Variants in SEMA4A observed in about 807,000 individuals in gnomAD.
SEMA4A encodes the protein semaphorin 4A.
SEMA4A carries 52 observed loss-of-function variants against 72.5 expected under a neutral mutation model. That is an observed-to-expected ratio of 0.72 (90% confidence interval 0.57 to 0.90). SEMA4A has a LOEUF of 0.90. Among genes scored for constraint, SEMA4A ranks in the 40% least tolerant of loss-of-function variants. SEMA4A has a pLI of 0.00. For missense variants in SEMA4A, 926 were observed against 959.7 expected, an observed-to-expected ratio of 0.96 and a Z score of 0.46; for synonymous variants, 369 against 393.1, an observed-to-expected ratio of 0.94 and a Z score of 0.73.
At position 156,161,633 on chromosome 1, in the gene SEMA4A, C is replaced by T. The variant is rs529206580; in HGVS notation, c.983+115C>T. 59 of 1,068,650 alleles carry T rather than the reference C, an allele frequency of 5.5e-5. No homozygotes were observed. The African/African-American group carries it at 7.8e-4, about 14-fold the overall frequency. The allele number at this position is 1,068,650 out of a possible 1,614,324, so 66.2% of individuals were successfully genotyped here. A position where few individuals can be genotyped will look rare whatever the true frequency, so the allele number is the denominator to read the frequency against. ...AGCCAGCACCTACTCAGCACTTTCA[C>T]ATAGGAAGGCATTAAATCGTCACCA... On this transcript the variant is annotated intron_variant, in intron 9 of 14. Transcript: ENST00000368285.
At chr1:156,148,858 A>C (rs1333109966), upstream of SEMA4A, among the ~76,000 whole-genome samples, 1 of 141,452 alleles carries the variant, frequency 7.1e-6, no homozygotes, top group African/African-American at 2.7e-5. Flanking sequence ...GCTGGAGTGC[A>C]ATGGCATGAT....
chr1:156,163,256 T>A (rs924018990), intron 10 of SEMA4A, 162 bp downstream of exon 10: 3 of 752,140 alleles, frequency 4.0e-6, no homozygotes, highest in East Asian at 5.4e-5. Context: ...ATATTCCACA[T>A]GTGCCTAGCA....
intron 10 of SEMA4A, among the ~76,000 whole-genome samples, chr1:156,165,958 G>A (rs1415432904): frequency 8.0e-6 from 1 of 125,616 alleles, no homozygotes; most frequent in Non-Finnish European, 1.6e-5. Context: ...CCAGGCTATA[G>A]TGCAATGGCT....
intron 11 of SEMA4A, among the ~76,000 whole-genome samples, chr1:156,173,890 A>G (rs1655050818): frequency 6.6e-6 from 1 of 152,074 alleles, no homozygotes; most frequent in Admixed American, 6.6e-5. Flanking sequence ...TGGGTGGATC[A>G]CCTGAGGTCA....
rs1653198063 is a variant in SEMA4A at position 156,157,958 on chromosome 1, A to G, written c.301-112A>G. 1 of 1,061,856 alleles carries G rather than the reference A, an allele frequency of 9.4e-7. No homozygotes were observed. Among genetic ancestry groups the G allele is most frequent in the African/African-American group, 1.6e-5 (1 of 63,686 alleles). 65.8% of individuals were successfully genotyped at this position (1,061,856 alleles called of 1,614,324 possible). A position where few individuals can be genotyped will look rare whatever the true frequency, so the allele number is the denominator to read the frequency against. On this transcript the variant is annotated intron_variant, in intron 3 of 14. Coordinates refer to ENST00000368285, the MANE Select transcript of SEMA4A (RefSeq NM_022367.4). This position sits in a 1 kb window ranked among gnomAD's most constrained non-coding sequence, Gnocchi z 4.5. ...ATTACTGCCCATCAGCATGTCACTA[A>G]CCACCATGTCTGCTGGTTATTTCAC...
In SEMA4A at chr1:156,161,478, C is replaced by T. The variant is rs762617991; in HGVS notation, c.943C>T (p.Pro315Ser). The T allele has an allele frequency of 1.2e-6, 2 of 1,614,064 alleles. No homozygotes were observed. Among genetic ancestry groups the T allele is most frequent in the Non-Finnish European group, 1.7e-6 (2 of 1,179,978 alleles). Reference sequence around the variant, plus strand: ...CGCGGTCCTGCTCCCCGCCGATTCTCCCACAGCTCCCCACATCTACGCAGT... The same window carrying T: ...CGCGGTCCTGCTCCCCGCCGATTCTTCCACAGCTCCCCACATCTACGCAGT... Reference protein sequence around the residue: ...RHAVLLPADSPTAPHIYAVFT... With the variant: ...RHAVLLPADSSTAPHIYAVFT... Residue 315 changes from proline to serine, a missense_variant, in exon 9 of 15, where the codon CCC becomes TCC. Coordinates refer to ENST00000368285, the MANE Select transcript of SEMA4A (RefSeq NM_022367.4).
At position 156,160,990 on chromosome 1, in the gene SEMA4A, T is replaced by TGA. The variant is rs1438005502; in HGVS notation, c.775_776dup (p.Leu260GlyfsTer29). On this transcript the variant is annotated frameshift_variant, in exon 8 of 15. Coordinates refer to ENST00000368285, the MANE Select transcript of SEMA4A (RefSeq NM_022367.4). LOFTEE classifies it high-confidence loss of function. ...AGACAGCCAGCGAGTTTGACTTCTT[T>TGA]GAGAGGCTCCACACATCGCGGGTGG... 1 of 1,602,060 alleles carries TGA rather than the reference T, an allele frequency of 6.2e-7. No homozygotes were observed. Among genetic ancestry groups the TGA allele is most frequent in the South Asian group, 1.1e-5 (1 of 90,724 alleles).
chr1:156,169,333 A>C (rs1437116418), intron 10 of SEMA4A, among the ~76,000 whole-genome samples: 1 of 151,266 alleles, frequency 6.6e-6, no homozygotes, highest in Non-Finnish European at 1.5e-5. Flanking sequence ...TCCAGCTTCC[A>C]AAATGTGGAT....
chr1:156,161,613 G>GCA (rs1653674634), intron 9 of SEMA4A, 95 bp downstream of exon 9: 1 of 1,353,410 alleles, frequency 7.4e-7, no homozygotes, highest in Admixed American at 1.9e-5. Context: ...ACATGAGCCA[G>GCA]CACCTACTCA....
In SEMA4A at chr1:156,161,039, C is replaced by G. The variant is rs771446425; in HGVS notation, c.810+10C>G. ...GGCTAGAGTCTGCAAGGTCCGCGGC[C>G]TGGGCGGGGGGCGGGGCTAACTGGA... On this transcript the variant is annotated intron_variant, in intron 8 of 14. Transcript: ENST00000368285. 6.2e-6 allele frequency: 10 copies of G among 1,602,470 alleles called. No individual in the cohort carries two copies. Among genetic ancestry groups the G allele is most frequent in the Non-Finnish European group, 7.7e-6 (9 of 1,176,120 alleles).
chr1:156,163,099 G>A lies in SEMA4A; in HGVS notation c.1134+5G>A. ...ACCAACCCCCGGCCAGGCAGTGTGA[G>A]TACTACCCCCCACACTGAGCACAGT... On this transcript the variant is annotated splice_donor_5th_base_variant and intron_variant, in intron 10 of 14. Transcript: ENST00000368285. 6.2e-7 allele frequency: 1 copy of A among 1,611,972 alleles called. No individual in the cohort carries two copies. Among genetic ancestry groups the A allele is most frequent in the Non-Finnish European group, 8.5e-7 (1 of 1,179,012 alleles).
intron 11 of SEMA4A, 108 bp from the exon 12 acceptor site, chr1:156,174,714 C>T: frequency 7.3e-7 from 1 of 1,364,030 alleles, no homozygotes; most frequent in Non-Finnish European, 1.0e-6. Context: ...GCGCCCAGTA[C>T]ATATCACCCT....
At position 156,158,221 on chromosome 1, in the gene SEMA4A, G is replaced by A. The variant is rs1437315175; in HGVS notation, c.363+89G>A. 6 of 1,447,108 alleles carry A rather than the reference G, an allele frequency of 4.1e-6. No individual in the cohort carries two copies. The East Asian group carries it at 1.1e-4, about 27-fold the overall frequency. The allele number at this position is 1,447,108 out of a possible 1,614,324, so 89.6% of individuals were successfully genotyped here. ...CTGGATGACCTCAGGTTGGGCGGCA[G>A]TGGAGGGCACTTGTTTGCACGGTTA... is the stretch of plus-strand genomic sequence containing the variant. On this transcript the variant is annotated intron_variant, in intron 4 of 14. Transcript: ENST00000368285.
At position 156,157,518 on chromosome 1, in the gene SEMA4A, T is replaced by C. The variant is rs576406361; in HGVS notation, c.301-552T>C. On this transcript the variant is annotated intron_variant, in intron 3 of 14. Transcript: ENST00000368285. The surrounding 1 kb of genome is among the most constrained non-coding windows in gnomAD (Gnocchi z 4.5). ...TTAGTCGCCCTATTAATGGGAACAA[T>C]GTGAGGAAGGAAGGAAGAAAGGGAG... Among the ~76,000 whole-genome samples the C allele has an allele frequency of 2.6e-5, 4 of 152,126 alleles. No individual in the cohort carries two copies. Among genetic ancestry groups the C allele is most frequent in the Admixed American group, 6.6e-5 (1 of 15,238 alleles).
intron 11 of SEMA4A, among the ~76,000 whole-genome samples, chr1:156,173,415 G>T (rs1470914679): frequency 6.6e-6 from 1 of 152,108 alleles, no homozygotes; most frequent in Non-Finnish European, 1.5e-5. Context: ...GGCGCAGCTG[G>T]GGTTCTTGGT....
chr1:156,175,593 G>A lies in SEMA4A; in HGVS notation c.1630G>A (p.Glu544Lys). 1 of 1,613,726 alleles carries A rather than the reference G, an allele frequency of 6.2e-7. No homozygotes were observed. The highest frequency in any genetic ancestry group is 1.7e-5 in the Admixed American group (1 of 59,970). ...WKQDMERGNPEWACASGPMSR... is the reference protein window; with the variant it reads ...WKQDMERGNPKWACASGPMSR... ...GCAGGACATGGAGCGGGGGAACCCA[G>A]AGTGGGCATGTGCCAGTGGCCCCAT... is the stretch of plus-strand genomic sequence containing the variant. The change falls in exon 14 of 15, where the codon GAG becomes AAG. Residue 544 changes from glutamate to lysine, a missense_variant. By Grantham distance (56) the Glu-to-Lys change is moderately conservative (BLOSUM62 1). Coordinates refer to ENST00000368285, the MANE Select transcript of SEMA4A (RefSeq NM_022367.4).
upstream of SEMA4A, among the ~76,000 whole-genome samples, chr1:156,151,268 G>T (rs900481351): frequency 6.6e-6 from 1 of 152,214 alleles, no homozygotes; most frequent in African/African-American, 2.4e-5. Flanking sequence ...TGAGCACAGG[G>T]CCCTGTGTGG....
chr1:156,151,838 C>CAA (rs546304826), upstream of SEMA4A, among the ~76,000 whole-genome samples: 41 of 17,482 alleles, frequency 2.3e-3, no homozygotes, highest in Admixed American at 4.2e-3. Context: ...CACTTCGTCT[C>CAA]AAAAAAAAAA....
upstream of SEMA4A, among the ~76,000 whole-genome samples, chr1:156,151,385 G>C (rs959719548): frequency 6.6e-6 from 1 of 152,222 alleles, no homozygotes; most frequent in African/African-American, 2.4e-5. Flanking sequence ...ACTGGTGTGA[G>C]GGGTGCACTG....
Sources: allele counts gnomAD v4.1 joint callset (sites outside exome capture counted in the v4.1 genomes callset), GRCh38; gene constraint gnomAD v4.1.1; non-coding constraint Gnocchi (gnomAD v3.1); transcripts MANE v1.5; gene names NCBI Gene and HGNC (gene_info 2026-07-23, HGNC 2026-07-21).